Variants in ATP12A observed in about 807,000 individuals in gnomAD.
ATP12A encodes the protein potassium-transporting ATPase alpha chain 2.
ATP12A carries 81 observed loss-of-function variants against 111.2 expected under a neutral mutation model. That is an observed-to-expected ratio of 0.73 (90% CI 0.61 to 0.88). ATP12A has a LOEUF of 0.88. Among genes scored for constraint, ATP12A ranks in the 40% least tolerant of loss-of-function variants. The pLI, the probability that ATP12A is intolerant of heterozygous loss-of-function variation, is 0.00. For missense variants in ATP12A, 1,196 were observed against 1,313.1 expected (o/e 0.91, Z 1.38); for synonymous variants, 498 against 499.8 (o/e 1.00, Z 0.05).
At chr13:24,705,750 G>C (rs914917547) in intron 14 of ATP12A, among the ~76,000 whole-genome samples, 1 of 152,138 alleles carries the variant, frequency 6.6e-6, no homozygotes, top group African/African-American at 2.4e-5. Context: ...GCTCACTGCA[G>C]CCTCAACCCC....
At chr13:24,708,876 G>GAGAGAAAGAGAA (rs1875789046) in intron 17 of ATP12A, among the ~76,000 whole-genome samples, 3 of 67,384 alleles carry the variant, frequency 4.5e-5, no homozygotes. Context: ...GAAAGAGAAA[G>GAGAGAAAGAGAA]AGAGAGAAAG....
chr13:24,700,795 C>T lies in ATP12A; in HGVS notation c.1754C>T (p.Ser585Leu). The stretch of plus-strand genomic sequence containing the variant: ...GCAGACGAGTTTCCAGAAACCTACT[C>T]ATTTGACATAGACGCTATGAACTTT... ...LPADEFPETY[S>L]FDIDAMNFPT... The change falls in exon 13 of 23, where the codon TCA becomes TTA. Residue 585 changes from serine to leucine, a missense_variant. Coordinates refer to ENST00000381946, the MANE Select transcript of ATP12A (RefSeq NM_001676.7). 1 of 1,614,102 alleles carries T rather than the reference C, an allele frequency of 6.2e-7. No homozygotes were observed. Among genetic ancestry groups the T allele is most frequent in the Non-Finnish European group, 8.5e-7 (1 of 1,180,016 alleles).
At chr13:24,702,854 G>T (rs1159983219) in intron 14 of ATP12A, among the ~76,000 whole-genome samples, 1 of 152,226 alleles carries the variant, frequency 6.6e-6, no homozygotes, top group Non-Finnish European at 1.5e-5. Context: ...TGGGCATGCA[G>T]GAGAGTGGCC....
chr13:24,711,770 G>A lies in ATP12A; in HGVS notation c.*248G>A. The A allele has an allele frequency of 3.5e-6, 2 of 573,642 alleles. No individual in the cohort carries two copies. Among genetic ancestry groups the A allele is most frequent in the Non-Finnish European group, 3.1e-6 (1 of 322,940 alleles). 35.5% of individuals were successfully genotyped at this position (573,642 alleles called of 1,614,324 possible). On this transcript the variant is annotated 3_prime_UTR_variant, in exon 23 of 23. Coordinates refer to ENST00000381946, the MANE Select transcript of ATP12A (RefSeq NM_001676.7). The stretch of plus-strand genomic sequence containing the variant: ...CATTAAAAAATACGTACATTTCGAG[G>A]TAATGGTATAGGGAAGAATGTGTTT...
At chr13:24,698,046 TG>T (rs1261814444) in intron 11 of ATP12A, among the ~76,000 whole-genome samples, 1 of 152,174 alleles carries the variant, frequency 6.6e-6, no homozygotes, top group Non-Finnish European at 1.5e-5. Context: ...CGATTTTTTT[TG>T]CATATCTTAT....
chr13:24,681,503 T>C, intron 1 of ATP12A, 59 bp from the exon 2 acceptor site: 1 of 1,579,472 alleles, frequency 6.3e-7, no homozygotes, highest in Non-Finnish European at 8.6e-7. Flanking sequence ...AGAGGGGCGC[T>C]CAGCACCTCT....
In ATP12A at chr13:24,692,856, C is replaced by G; in HGVS notation, c.1337C>G (p.Ala446Gly). The G allele has an allele frequency of 6.2e-7, 1 of 1,614,176 alleles. No individual in the cohort carries two copies. Among genetic ancestry groups the G allele is most frequent in the Non-Finnish European group, 8.5e-7 (1 of 1,180,010 alleles). Residue 446 changes from alanine (A) to glycine (G), a missense_variant, in exon 10 of 23, where the codon GCA (alanine) becomes GGA (glycine). Physicochemically the swap from Ala to Gly is moderately conservative, Grantham distance 60. Transcript: ENST00000381946. ...AAGATAATAACATTGTGTAACCGAG[C>G]AGAGTTCAAGCCAGGACAGGAAAAT... ...LSKIITLCNR[A>G]EFKPGQENVP...
chr13:24,687,873 C>T (rs889413778), intron 3 of ATP12A, among the ~76,000 whole-genome samples: 2 of 152,142 alleles, frequency 1.3e-5, no homozygotes, highest in Admixed American at 6.5e-5. Context: ...AATTAGTCCT[C>T]TCACCGGATA....
chr13:24,681,437 A>G (rs73158338), intron 1 of ATP12A, 125 bp from the exon 2 acceptor site: 152,098 of 1,171,160 alleles, frequency 0.13, 10,221 homozygotes, highest in Middle Eastern at 0.17. Context: ...CGGCCTCCCC[A>G]GAGGAGGGAA....
rs771804619 is a variant in ATP12A, at chr13:24,691,016, C to G, written c.834C>G (p.Asp278Glu). The G allele has an allele frequency of 1.7e-5, 28 of 1,614,100 alleles. No individual in the cohort carries two copies. Among genetic ancestry groups the G allele is most frequent in the Non-Finnish European group, 2.4e-5 (28 of 1,180,050 alleles). ...TVTGMVINTG[D>E]RTIIGHIASL... ...CCGGCATGGTTATCAACACGGGTGA[C>G]CGCACCATCATTGGCCATATTGCCT... Residue 278 changes from aspartate (D) to glutamate (E), a missense_variant, in exon 8 of 23, where the codon GAC becomes GAG. Around this residue, in one of 3 missense-constraint regions of ATP12A, gnomAD observed 1,126 missense variants for 1,228.5 expected, o/e 0.92. Coordinates refer to ENST00000381946, the MANE Select transcript of ATP12A (RefSeq NM_001676.7).
chr13:24,681,673 C>T lies in ATP12A; in HGVS notation c.121C>T (p.Leu41Phe). The T allele has an allele frequency of 1.2e-6, 2 of 1,614,200 alleles. No homozygotes were observed. The highest frequency in any genetic ancestry group is 1.7e-6 in the Non-Finnish European group (2 of 1,180,042). Residue 41 changes from leucine (L) to phenylalanine (F), a missense_variant, in exon 2 of 23, where the codon CTC becomes TTC. This residue lies in a region of ATP12A where 67 missense variants were observed against 64.0 expected (regional missense o/e 1.05). Coordinates refer to ENST00000381946, the MANE Select transcript of ATP12A (RefSeq NM_001676.7). ...GGGTCTGAAGAACAACTGCCTGGAA[C>T]TCAAAAAGAAAAATCACAAAGAGGA... ...YRGLKNNCLE[L>F]KKKNHKEEFQ...
intron 13 of ATP12A, 116 bp from the exon 14 acceptor site, chr13:24,701,819 G>T: frequency 3.7e-6 from 5 of 1,369,698 alleles, no homozygotes; most frequent in Non-Finnish European, 5.1e-6. Context: ...AGCTGCCACT[G>T]TAATCACCAA....
intron 13 of ATP12A, 136 bp from the exon 14 acceptor site, chr13:24,701,799 G>A (rs111990811): frequency 5.0e-5 from 57 of 1,147,154 alleles, no homozygotes; most frequent in East Asian, 4.5e-4. Flanking sequence ...CAGTTGTCTC[G>A]TAGATCCAGA....
At chr13:24,692,946 C>A in intron 10 of ATP12A, 50 bp downstream of exon 10, 1 of 1,537,224 alleles carries the variant, frequency 6.5e-7, no homozygotes, top group South Asian at 1.1e-5. Flanking sequence ...TTTGTAGTCA[C>A]TTGCTGAGGT....
chr13:24,707,165 C>A lies in ATP12A; in HGVS notation c.2312C>A (p.Ala771Glu). The change falls in exon 16 of 23, where the codon GCA (alanine) becomes GAA (glutamate). Residue 771 changes from alanine (A) to glutamate (E), a missense_variant. Physicochemically the swap from Ala to Glu is moderately radical, Grantham distance 107. Around this residue, in one of 3 missense-constraint regions of ATP12A, gnomAD observed 1,126 missense variants for 1,228.5 expected, o/e 0.92. Coordinates refer to ENST00000381946, the MANE Select transcript of ATP12A (RefSeq NM_001676.7). The part of the protein sequence containing the change: ...ADMVLLDDNF[A>E]SIVTGVEEGR... ...ATGGTCTTGCTGGACGACAACTTCG[C>A]ATCCATCGTCACAGGGGTGGAGGAA... The A allele has an allele frequency of 6.2e-7, 1 of 1,613,950 alleles. No individual in the cohort carries two copies. Among genetic ancestry groups the A allele is most frequent in the Non-Finnish European group, 8.5e-7 (1 of 1,179,874 alleles).
In ATP12A at chr13:24,690,257, G is replaced by C. The variant is rs1874821613; in HGVS notation, c.547-81G>C. On this transcript the variant is annotated intron_variant, in intron 5 of 22. Transcript: ENST00000381946. ...CAGGAAGTTCCAAGGCCTCTGTCCT[G>C]GGGTTCGGTGCGGCACAGACTTGGG... The C allele has an allele frequency of 1.9e-6, 3 of 1,568,934 alleles. No homozygotes were observed. The African/African-American group carries it at 4.1e-5, about 21-fold the overall frequency.
In ATP12A at chr13:24,691,047, G is replaced by C. The variant is rs1196041037; in HGVS notation, c.865G>C (p.Ala289Pro). 1.2e-6 allele frequency: 2 copies of C among 1,614,224 alleles called. No homozygotes were observed. Among genetic ancestry groups the C allele is most frequent in the Admixed American group, 3.3e-5 (2 of 60,030 alleles). The change falls in exon 8 of 23, where the codon GCC becomes CCC. Residue 289 changes from alanine to proline, a missense_variant. Ala to Pro is a conservative substitution (Grantham distance 27). Coordinates refer to ENST00000381946, the MANE Select transcript of ATP12A (RefSeq NM_001676.7). ...RTIIGHIASL[A>P]SGVGNEKTPI... ...CATCATTGGCCATATTGCCTCATTG[G>C]CCTCAGGAGTTGGAAATGAGAAGAC...
chr13:24,690,304 G>A (rs2067199429), intron 5 of ATP12A, 34 bp from the exon 6 acceptor site: 1 of 1,610,460 alleles, frequency 6.2e-7, no homozygotes, highest in East Asian at 2.2e-5. Flanking sequence ...GTCCTTCCAG[G>A]GTCTGAGGCA....
chr13:24,681,660 C>A lies in ATP12A; in HGVS notation c.108C>A (p.Asn36Lys), dbSNP rs374884366. ...AGGAGAAGTATAGGGGTCTGAAGAA[C>A]AACTGCCTGGAACTCAAAAAGAAAA... ...DGKEKYRGLK[N>K]NCLELKKKNH... Residue 36 changes from asparagine (N) to lysine (K), a missense_variant, in exon 2 of 23, where the codon AAC becomes AAA. Physicochemically the swap from Asn to Lys is moderately conservative, Grantham distance 94. This residue lies in a region of ATP12A where 67 missense variants were observed against 64.0 expected (regional missense o/e 1.05). Transcript: ENST00000381946. 4.3e-6 allele frequency: 7 copies of A among 1,614,196 alleles called. No homozygotes were observed. Among genetic ancestry groups the A allele is most frequent in the Non-Finnish European group, 5.9e-6 (7 of 1,180,044 alleles).
Sources: allele counts gnomAD v4.1 joint callset (sites outside exome capture counted in the v4.1 genomes callset), GRCh38; gene constraint gnomAD v4.1.1; regional missense constraint gnomAD v4.1.1; transcripts MANE v1.5; gene names NCBI Gene and HGNC (gene_info 2026-07-23, HGNC 2026-07-21).